ATOSA: variants seen among roughly 807,000 people sequenced by gnomAD.
ATOSA encodes the protein atos homolog protein A.
the ATOSA span, among the ~76,000 whole-genome samples, chr15:52,699,870 T>C: frequency 1.3e-5 from 2 of 152,144 alleles, no homozygotes; most frequent in Non-Finnish European, 2.9e-5. Context: ...AGCAATTCAG[T>C]CTTCTGCCTT....
chr15:52,689,042 C>T, the ATOSA span, among the ~76,000 whole-genome samples: 1 of 152,044 alleles, frequency 6.6e-6, no homozygotes, highest in African/African-American at 2.4e-5. Context: ...TGGTATAATT[C>T]TGAGAATAGT....
the ATOSA span, chr15:52,610,031 C>T: frequency 1.9e-6 from 3 of 1,613,934 alleles, no homozygotes; most frequent in South Asian, 1.1e-5. Flanking sequence ...ATATTTTTGA[C>T]AGCTGCAGTA....
the ATOSA span, among the ~76,000 whole-genome samples, chr15:52,675,988 A>C: frequency 5.9e-5 from 9 of 152,308 alleles, no homozygotes; most frequent in African/African-American, 2.2e-4. Context: ...CAGAGACTAA[A>C]AGCAGGAAAA....
At chr15:52,629,497 A>C in the ATOSA span, among the ~76,000 whole-genome samples, 1 of 150,842 alleles carries the variant, frequency 6.6e-6, no homozygotes, top group Non-Finnish European at 1.5e-5. Flanking sequence ...CAGTGGAGGT[A>C]AGGGTAGTTA....
chr15:52,691,294 T>C, the ATOSA span, among the ~76,000 whole-genome samples: 1 of 152,216 alleles, frequency 6.6e-6, no homozygotes, highest in Non-Finnish European at 1.5e-5. Context: ...AGACTTAGTC[T>C]CATTGGTTGC....
At chr15:52,636,026 A>T in the ATOSA span, among the ~76,000 whole-genome samples, 5 of 147,600 alleles carry the variant, frequency 3.4e-5, no homozygotes, top group South Asian at 1.0e-3. Context: ...ATAAATATAT[A>T]AATAATAAAT....
chr15:52,684,378 A>C, the ATOSA span, among the ~76,000 whole-genome samples: 2 of 152,162 alleles, frequency 1.3e-5, no homozygotes, highest in African/African-American at 4.8e-5. Flanking sequence ...TCTATAAAAA[A>C]GTTAAAAAGT....
the ATOSA span, among the ~76,000 whole-genome samples, chr15:52,653,511 T>C: frequency 6.6e-6 from 1 of 152,054 alleles, no homozygotes; most frequent in African/African-American, 2.4e-5. Context: ...GGAAACACAA[T>C]AAGCCTGAGG....
At chr15:52,601,434 G>C in the ATOSA span, among the ~76,000 whole-genome samples, 2 of 150,396 alleles carry the variant, frequency 1.3e-5, no homozygotes, top group Non-Finnish European at 3.0e-5. Flanking sequence ...ACCAAACCCT[G>C]CATGGAATTC....
chr15:52,645,825 C>CT, the ATOSA span, among the ~76,000 whole-genome samples: 2 of 152,152 alleles, frequency 1.3e-5, no homozygotes, highest in African/African-American at 4.8e-5. Flanking sequence ...AGAAAGAACT[C>CT]TGAGACAAAG....
chr15:52,632,187 A>G, the ATOSA span, among the ~76,000 whole-genome samples: 1 of 152,252 alleles, frequency 6.6e-6, no homozygotes, highest in Non-Finnish European at 1.5e-5. Flanking sequence ...TTCAAAAGTT[A>G]CAGTGCCTCA....
chr15:52,644,071 T>A, the ATOSA span, among the ~76,000 whole-genome samples: 1 of 152,064 alleles, frequency 6.6e-6, no homozygotes, highest in East Asian at 1.9e-4. Context: ...TAGATGTTTG[T>A]TGCTTTTGTG....
chr15:52,672,501 CAA>C, the ATOSA span, among the ~76,000 whole-genome samples: 658 of 146,444 alleles, frequency 4.5e-3, 4 homozygotes, highest in African/African-American at 0.014. Context: ...TTTCATTATC[CAA>C]AAAAAAAAAA....
the ATOSA span, among the ~76,000 whole-genome samples, chr15:52,623,117 C>T: frequency 3.3e-5 from 5 of 151,366 alleles, no homozygotes; most frequent in Admixed American, 3.3e-4. Context: ...TATGATTGCA[C>T]GACTGTACTC....
At chr15:52,594,978 A>G in the ATOSA span, among the ~76,000 whole-genome samples, 4 of 152,150 alleles carry the variant, frequency 2.6e-5, no homozygotes, top group Non-Finnish European at 5.9e-5. Flanking sequence ...CTCTCCCAAC[A>G]TATACAGAGT....
At chr15:52,656,679 G>A in the ATOSA span, 31 of 152,066 alleles carry the variant, frequency 2.0e-4, no homozygotes, top group African/African-American at 7.2e-4. Context: ...AGCTAGAATG[G>A]GGGTTATTTA....
At chr15:52,651,363 G>C in the ATOSA span, among the ~76,000 whole-genome samples, 1 of 152,090 alleles carries the variant, frequency 6.6e-6, no homozygotes, top group African/African-American at 2.4e-5. Flanking sequence ...TTTATAAAAA[G>C]ATTTTGGCAC....
At chr15:52,592,587 C>A in the ATOSA span, among the ~76,000 whole-genome samples, 1 of 152,114 alleles carries the variant, frequency 6.6e-6, no homozygotes, top group Non-Finnish European at 1.5e-5. Context: ...TTTTGGCTTC[C>A]CTGGGCCACA....
At chr15:52,676,755 A>G in the ATOSA span, among the ~76,000 whole-genome samples, 1 of 152,220 alleles carries the variant, frequency 6.6e-6, no homozygotes. Flanking sequence ...ACTATTTTTA[A>G]AACTGCTTAT....
Sources: gnomAD v4.1 joint callset for allele counts (sites outside exome capture counted in the v4.1 genomes callset) on GRCh38, gnomAD v4.1.1 for gene constraint, MANE v1.5 for transcripts, NCBI Gene and HGNC (gene_info 2026-07-23, HGNC 2026-07-21) for gene names.